ATAT1: variants seen among roughly 807,000 people sequenced by gnomAD.
ATAT1 encodes the protein alpha-tubulin N-acetyltransferase 1.
ATAT1 carries 42 observed loss-of-function variants against 57.2 expected under a neutral mutation model. The observed-to-expected ratio is 0.73, with a 90% CI of 0.57 to 0.95. The LOEUF is 0.95. Ranked by LOEUF, ATAT1 falls within the 40% of genes least tolerant of loss-of-function variation. The pLI, the probability that ATAT1 is intolerant of heterozygous loss-of-function variation, is 0.00. For missense variants in ATAT1, 454 were observed against 523.7 expected (o/e 0.87, Z 1.30); for synonymous variants, 168 against 187.1 (o/e 0.90, Z 0.83).
rs781411228 is a variant in ATAT1 at position 30,642,757 on chromosome 6, CCT to C, written c.689-10_689-9del. 45 of 1,568,898 alleles carry C rather than the reference CCT, an allele frequency of 2.9e-5. No individual in the cohort carries two copies. The African/African-American group carries it at 3.1e-4, about 11-fold the overall frequency. ...TTTTTCTGTCTTGCTCTTCATTCTCCCTGTCCCCAGTTCTGAAGGTAGCTGTG... is the reference window on the plus strand; with the variant it reads ...TTTTTCTGTCTTGCTCTTCATTCTCCGTCCCCAGTTCTGAAGGTAGCTGTG... On this transcript the variant is annotated splice_polypyrimidine_tract_variant and intron_variant, in intron 9 of 12. Transcript: ENST00000330083.
Position 30,628,323 on chromosome 6 carries a change from C to T in ATAT1, c.400-6C>T. Reference sequence around the variant, plus strand: ...CCTCCTACCCTGAGTCTCCTTTTCCCTGCAGAAGGAGCGAGTGGAACCGCA... The same window carrying T: ...CCTCCTACCCTGAGTCTCCTTTTCCTTGCAGAAGGAGCGAGTGGAACCGCA... On this transcript the variant is annotated splice_region_variant and splice_polypyrimidine_tract_variant and intron_variant, in intron 5 of 12. Transcript: ENST00000330083. 1 of 1,612,474 alleles carries T rather than the reference C, an allele frequency of 6.2e-7. No individual in the cohort carries two copies. The highest frequency in any genetic ancestry group is 2.2e-5 in the East Asian group (1 of 44,874).
At position 30,635,588 on chromosome 6, in the gene ATAT1, C is replaced by CA. The variant is rs567508154; in HGVS notation, c.502-4774dup. Among the ~76,000 whole-genome samples, 488 of 78,114 alleles carry CA rather than the reference C, an allele frequency of 6.2e-3. 9 individuals are homozygous for CA. The highest frequency in any genetic ancestry group is 0.057 in the South Asian group (156 of 2,742). The allele number at this position is 78,114 out of a possible 152,430, so 51.2% of individuals were successfully genotyped here. A position where few individuals can be genotyped will look rare whatever the true frequency, so the allele number is the denominator to read the frequency against. The stretch of plus-strand genomic sequence containing the variant: ...TGGGCAACAAAGCGAAACTCCATCT[C>CA]AAAAAAAAAAAAAAAGAAAAGAAAA... On this transcript the variant is annotated intron_variant, in intron 6 of 12. Coordinates refer to ENST00000330083, the MANE Select transcript of ATAT1 (RefSeq NM_001031722.4).
intron 9 of ATAT1, 119 bp from the exon 10 acceptor site, chr6:30,642,649 G>GA (rs377430159): frequency 0.14 from 74,249 of 535,820 alleles, 18 homozygotes; most frequent in East Asian, 0.2. Context: ...TCTCAAAAAA[G>GA]AAAAAAAAAA....
At chr6:30,637,208 T>C (rs949137799) in intron 6 of ATAT1, among the ~76,000 whole-genome samples, 1 of 152,230 alleles carries the variant, frequency 6.6e-6, no homozygotes, top group Non-Finnish European at 1.5e-5. Flanking sequence ...ATGTGGTATC[T>C]ATATGCATCA....
rs565567281 is a variant in ATAT1 at position 30,645,441 on chromosome 6, C to T, written c.933-454C>T. On this transcript the variant is annotated intron_variant, in intron 10 of 12. Coordinates refer to ENST00000330083, the MANE Select transcript of ATAT1 (RefSeq NM_001031722.4). Reference sequence around the variant, plus strand: ...ATGTTGGCCAGGTTGGTCTCGATCTCCTGATCACGTGATCTGCCCGTCTTG... The same window carrying T: ...ATGTTGGCCAGGTTGGTCTCGATCTTCTGATCACGTGATCTGCCCGTCTTG... 3.9e-4 allele frequency among the ~76,000 whole-genome samples: 60 copies of T among 152,196 alleles called. No homozygotes were observed. In the South Asian group the frequency reaches 1.0e-2, roughly 25 times the overall value.
chr6:30,639,479 C>CTT (rs979708714), intron 6 of ATAT1, among the ~76,000 whole-genome samples: 89 of 139,530 alleles, frequency 6.4e-4, no homozygotes, highest in African/African-American at 1.9e-3. Context: ...CACTTTCTTT[C>CTT]TTTTTTTTTT....
At position 30,642,833 on chromosome 6, in the gene ATAT1, G is replaced by GGGCCCCCCCCCCCCCCCCCCCC; in HGVS notation, c.754_755insGGCCCCCCCCCCCCCCCCCCCC (p.Ala252GlyfsTer55). 6.5e-7 allele frequency: 1 copy of GGGCCCCCCCCCCCCCCCCCCCC among 1,537,878 alleles called. No individual in the cohort carries two copies. Among genetic ancestry groups the GGGCCCCCCCCCCCCCCCCCCCC allele is most frequent in the South Asian group, 1.2e-5 (1 of 86,358 alleles). ...GGCCCCTCGCCGCGCCACACCTCCA[G>GGGCCCCCCCCCCCCCCCCCCCC]CCCACCCACCCCCCCGCTCCAGCAG... On this transcript the variant is annotated frameshift_variant, in exon 10 of 13. Coordinates refer to ENST00000330083, the MANE Select transcript of ATAT1 (RefSeq NM_001031722.4). LOFTEE classifies it high-confidence loss of function.
At chr6:30,637,289 T>A (rs1223381722) in intron 6 of ATAT1, among the ~76,000 whole-genome samples, 2 of 152,190 alleles carry the variant, frequency 1.3e-5, no homozygotes, top group African/African-American at 4.8e-5. Context: ...TTATACAAAT[T>A]AATGACTTAA....
chr6:30,635,863 C>T (rs1763965411), intron 6 of ATAT1, among the ~76,000 whole-genome samples: 1 of 152,110 alleles, frequency 6.6e-6, no homozygotes, highest in Non-Finnish European at 1.5e-5. Context: ...TCTTTTAAAT[C>T]CTGCTTTAAT....
chr6:30,641,770 T>C, intron 8 of ATAT1: 2 of 1,015,634 alleles, frequency 2.0e-6, no homozygotes, highest in Non-Finnish European at 2.4e-6. Context: ...AACCAAGGGC[T>C]TTGTCCATCT....
At chr6:30,632,735 C>T (rs944079274) in intron 6 of ATAT1, among the ~76,000 whole-genome samples, 3 of 151,472 alleles carry the variant, frequency 2.0e-5, no homozygotes, top group African/African-American at 7.3e-5. Flanking sequence ...GACTTCAAGA[C>T]CAGTCTGGCT....
At position 30,636,154 on chromosome 6, in the gene ATAT1, G is replaced by C. The variant is rs80005626; in HGVS notation, c.502-4223G>C. Among the ~76,000 whole-genome samples the C allele has an allele frequency of 6.4e-4, 97 of 152,244 alleles. 2 individuals carry two copies. The East Asian group carries it at 0.018, about 29-fold the overall frequency. On this transcript the variant is annotated intron_variant, in intron 6 of 12. Coordinates refer to ENST00000330083, the MANE Select transcript of ATAT1 (RefSeq NM_001031722.4). ...AGGAGGCATAAGGACATGGATTTGAGTGCTATCTTGGGCTGGGGGTTGGGT... is the reference window on the plus strand; with the variant it reads ...AGGAGGCATAAGGACATGGATTTGACTGCTATCTTGGGCTGGGGGTTGGGT...
intron 6 of ATAT1, among the ~76,000 whole-genome samples, chr6:30,635,799 G>C (rs1213699634): frequency 6.6e-6 from 1 of 152,110 alleles, no homozygotes; most frequent in African/African-American, 2.4e-5. Context: ...TGGAAGCCTG[G>C]ATGCAGTGGG....
Position 30,643,364 on chromosome 6 carries a change from G to A in ATAT1, c.932+353G>A. ...AAGGGGCAGTGTCTGACAGAGAGTGGGAAGCCACTGGCTTGTGTGCCAAGA... is the reference window on the plus strand; with the variant it reads ...AAGGGGCAGTGTCTGACAGAGAGTGAGAAGCCACTGGCTTGTGTGCCAAGA... On this transcript the variant is annotated intron_variant, in intron 10 of 12. Transcript: ENST00000330083. 9 of 1,450,618 alleles carry A rather than the reference G, an allele frequency of 6.2e-6. No individual in the cohort carries two copies. In the South Asian group the frequency reaches 1.3e-4, roughly 21 times the overall value. The allele number at this position is 1,450,618 out of a possible 1,614,324, so 89.9% of individuals were successfully genotyped here. A position where few individuals can be genotyped will look rare whatever the true frequency, so the allele number is the denominator to read the frequency against.
chr6:30,638,702 A>G (rs1764704077), intron 6 of ATAT1, among the ~76,000 whole-genome samples: 1 of 151,626 alleles, frequency 6.6e-6, no homozygotes, highest in African/African-American at 2.4e-5. Context: ...TTTCCTGGCT[A>G]AAACACTGCA....
In ATAT1 at chr6:30,640,421, T is replaced by G. The variant is rs768227958; in HGVS notation, c.546T>G (p.His182Gln). The G allele has an allele frequency of 6.2e-7, 1 of 1,613,030 alleles. No individual in the cohort carries two copies. The highest frequency in any genetic ancestry group is 8.5e-7 in the Non-Finnish European group (1 of 1,180,018). ...TTGAAGGCTTCTTTGCCCATCAACA[T>G]CGTAAGTTTTTGCATTTTGTTGGTC... The change falls in exon 7 of 13, where the codon CAT becomes CAG. Residue 182 changes from histidine to glutamine, a missense_variant and splice_region_variant. Around this residue, in one of 3 missense-constraint regions of ATAT1, gnomAD observed 236 missense variants for 284.5 expected, o/e 0.83. Coordinates refer to ENST00000330083, the MANE Select transcript of ATAT1 (RefSeq NM_001031722.4).
intron 6 of ATAT1, among the ~76,000 whole-genome samples, chr6:30,636,634 C>T (rs1446676225): frequency 6.6e-6 from 1 of 151,566 alleles, no homozygotes; most frequent in Admixed American, 6.6e-5. Flanking sequence ...CAGGACACTA[C>T]AAGCAGTGTG....
chr6:30,628,446 G>C lies in ATAT1; in HGVS notation c.501+16G>C. On this transcript the variant is annotated intron_variant, in intron 6 of 12. Transcript: ENST00000330083. The stretch of plus-strand genomic sequence containing the variant: ...AGTCCCACAGGTTAGAGGTTTCAGA[G>C]AATAGATCCCCACTGAGCATTCCCA... The C allele has an allele frequency of 6.3e-7, 1 of 1,577,018 alleles. No homozygotes were observed.
chr6:30,628,225 C>T (rs1247430677), intron 5 of ATAT1, 80 bp downstream of exon 5: 9 of 1,524,156 alleles, frequency 5.9e-6, no homozygotes, highest in African/African-American at 1.4e-5. Context: ...TGCCTCCCAC[C>T]CCCCATGTTC....
Sources: allele counts gnomAD v4.1 joint callset (sites outside exome capture counted in the v4.1 genomes callset), GRCh38; gene constraint gnomAD v4.1.1; regional missense constraint gnomAD v4.1.1; transcripts MANE v1.5; gene names NCBI Gene and HGNC (gene_info 2026-07-23, HGNC 2026-07-21).